The following PIWIL4 variants were observed in gnomAD, a reference collection of about 807,000 sequenced individuals.
PIWIL4 encodes piwi-like protein 4.
A neutral mutation model predicts 100.9 loss-of-function variants in PIWIL4; 50 were observed. That is an observed-to-expected ratio of 0.50 (90% CI 0.39 to 0.63). The LOEUF (loss-of-function observed/expected upper bound fraction) is 0.63. Among genes scored for constraint, PIWIL4 ranks in the 20% least tolerant of loss-of-function variants. The pLI, the probability that PIWIL4 is intolerant of heterozygous loss-of-function variation, is 0.00. For missense variants in PIWIL4, 887 were observed against 1,043.3 expected (o/e 0.85, Z 2.06); for synonymous variants, 342 against 367.5 (o/e 0.93, Z 0.79).
At chr11:94,597,987 A>C in intron 11 of PIWIL4, 72 bp downstream of exon 11, 1 of 1,180,942 alleles carries the variant, frequency 8.5e-7, no homozygotes, top group Non-Finnish European at 1.2e-6. Flanking sequence ...CATTGGCCAG[A>C]GTGGCTTGTG....
chr11:94,589,323 G>A (rs946542027), intron 8 of PIWIL4, 91 bp downstream of exon 8: 1 of 1,087,038 alleles, frequency 9.2e-7, no homozygotes, highest in Non-Finnish European at 1.4e-6. Context: ...CCAGATTGGA[G>A]GCTGAGTCTG....
intron 2 of PIWIL4, among the ~76,000 whole-genome samples, chr11:94,573,082 C>G (rs1429528445): frequency 6.6e-6 from 1 of 152,084 alleles, no homozygotes; most frequent in Non-Finnish European, 1.5e-5. Flanking sequence ...TGATTTGGCT[C>G]TCTGTTTGTC....
intron 17 of PIWIL4, 81 bp downstream of exon 17, chr11:94,618,188 A>G (rs1948866917): frequency 5.0e-6 from 7 of 1,398,266 alleles, no homozygotes; most frequent in African/African-American, 1.5e-5. Flanking sequence ...GTATTCAAGC[A>G]TAAGTTTTGT....
intron 17 of PIWIL4, 54 bp downstream of exon 17, chr11:94,618,161 T>C: frequency 1.9e-5 from 28 of 1,477,536 alleles, no homozygotes; most frequent in Non-Finnish European, 2.5e-5. Context: ...TATTCAGCTG[T>C]AGCTATTACA....
intron 13 of PIWIL4, among the ~76,000 whole-genome samples, chr11:94,605,384 C>A (rs569372961): frequency 1.3e-5 from 2 of 152,164 alleles, no homozygotes; most frequent in African/African-American, 4.8e-5. Context: ...TCTGATGTCT[C>A]CTCATGATTA....
chr11:94,621,232 C>T lies in PIWIL4; in HGVS notation c.*240C>T, dbSNP rs1226019109. ...TTGTCATATGTGGAATTTAAATATACCATCATCTACAAAGAATTCCACAGA... is the reference window on the plus strand; with the variant it reads ...TTGTCATATGTGGAATTTAAATATATCATCATCTACAAAGAATTCCACAGA... On this transcript the variant is annotated 3_prime_UTR_variant, in exon 20 of 20. Coordinates refer to ENST00000299001, the MANE Select transcript of PIWIL4 (RefSeq NM_152431.3). 4.5e-5 allele frequency: 19 copies of T among 426,544 alleles called. 1 individual carries two copies. Among genetic ancestry groups the T allele is most frequent in the South Asian group, 7.8e-5 (2 of 25,786 alleles). The allele number at this position is 426,544 out of a possible 1,614,324, so 26.4% of individuals were successfully genotyped here.
Position 94,571,288 on chromosome 11 carries a change from A to G in PIWIL4, c.166+2480A>G, listed in dbSNP as rs990693934. On this transcript the variant is annotated intron_variant, in intron 2 of 19. Transcript: ENST00000299001. ...TTTTATTTAAAAATTTTTTATTCTT[A>G]TTTATTTTTTATTATACTTTAAGTT... Among the ~76,000 whole-genome samples the G allele has an allele frequency of 2.0e-5, 3 of 151,710 alleles. No homozygotes were observed. In the South Asian group the frequency reaches 6.2e-4, roughly 31 times the overall value.
chr11:94,609,620 C>T (rs1948764816), intron 15 of PIWIL4, among the ~76,000 whole-genome samples: 1 of 151,930 alleles, frequency 6.6e-6, no homozygotes, highest in Admixed American at 6.6e-5. Flanking sequence ...TGATAAAGGA[C>T]TTTCATTTTT....
chr11:94,585,878 C>A (rs144142106), intron 6 of PIWIL4, among the ~76,000 whole-genome samples: 1 of 152,026 alleles, frequency 6.6e-6, no homozygotes, highest in Non-Finnish European at 1.5e-5. Context: ...CAGGGCAGCG[C>A]GGGTCAGAAA....
intron 6 of PIWIL4, among the ~76,000 whole-genome samples, chr11:94,585,877 G>A (rs570327774): frequency 2.6e-5 from 4 of 152,260 alleles, no homozygotes; most frequent in East Asian, 1.9e-4. Context: ...GCAGGGCAGC[G>A]CGGGTCAGAA....
rs1330333224 is a variant in PIWIL4, at chr11:94,618,884, G to A, written c.2168+777G>A. Among the ~76,000 whole-genome samples, 3 of 152,186 alleles carry A rather than the reference G, an allele frequency of 2.0e-5. No individual in the cohort carries two copies. In the East Asian group the frequency reaches 5.8e-4, roughly 29 times the overall value. Reference sequence around the variant, plus strand: ...CTCAGTCGGTTATTGTTAGAGTGGAGGGGAAGCCTGAAAGTTTGGTGGCAG... The same window carrying A: ...CTCAGTCGGTTATTGTTAGAGTGGAAGGGAAGCCTGAAAGTTTGGTGGCAG... On this transcript the variant is annotated intron_variant, in intron 17 of 19. Transcript: ENST00000299001.
intron 8 of PIWIL4, among the ~76,000 whole-genome samples, chr11:94,591,396 G>A (rs748272397): frequency 6.6e-6 from 1 of 152,224 alleles, no homozygotes; most frequent in Non-Finnish European, 1.5e-5. Flanking sequence ...ACGTAGAAGA[G>A]CAAGCTGTTC....
rs778520623 is a variant in PIWIL4, at chr11:94,619,837, AC to A, written c.2252del (p.Pro751HisfsTer20). On this transcript the variant is annotated frameshift_variant, in exon 18 of 20. Coordinates refer to ENST00000299001, the MANE Select transcript of PIWIL4 (RefSeq NM_152431.3). LOFTEE classifies it high-confidence loss of function. ...FFTEMNRTVQNPPLGTVVDSE... is the reference protein window; with the variant it reads ...FFTEMNRTVQXPPLGTVVDSE... The stretch of plus-strand genomic sequence containing the variant: ...ACCGAAATGAACCGCACTGTACAGA[AC>A]CCCCCACTTGGCACTGTTGTGGATT... 39 of 1,614,008 alleles carry A rather than the reference AC, an allele frequency of 2.4e-5. No homozygotes were observed. The highest frequency in any genetic ancestry group is 3.1e-5 in the Non-Finnish European group (36 of 1,180,028).
intron 9 of PIWIL4, 152 bp downstream of exon 9, chr11:94,593,793 G>A: frequency 1.2e-6 from 1 of 843,098 alleles, no homozygotes; most frequent in Non-Finnish European, 1.8e-6. Flanking sequence ...CAATAATAGA[G>A]ACATGTTGGG....
In PIWIL4 at chr11:94,567,382, G is replaced by A. The variant is rs1292655078; in HGVS notation, c.-137G>A. The A allele has an allele frequency of 1.7e-5, 13 of 745,444 alleles. No individual in the cohort carries two copies. The highest frequency in any genetic ancestry group is 1.5e-4 in the East Asian group (5 of 33,938). 46.2% of individuals were successfully genotyped at this position (745,444 alleles called of 1,614,324 possible). On this transcript the variant is annotated 5_prime_UTR_variant, in exon 1 of 20. Coordinates refer to ENST00000299001, the MANE Select transcript of PIWIL4 (RefSeq NM_152431.3). ...GGGCCTCGGACGCATTTCCAGCCCC[G>A]GCGTTGGTTGTGGATGCTGGACATC... is the stretch of plus-strand genomic sequence containing the variant.
chr11:94,589,881 T>C (rs1422986225), intron 8 of PIWIL4, among the ~76,000 whole-genome samples: 2 of 152,096 alleles, frequency 1.3e-5, no homozygotes, highest in Non-Finnish European at 2.9e-5. Context: ...CTCCTTGTTT[T>C]TGGATTCCCA....
chr11:94,601,767 A>G (rs1313215732), intron 11 of PIWIL4, 28 bp from the exon 12 acceptor site: 17 of 1,608,030 alleles, frequency 1.1e-5, no homozygotes, highest in African/African-American at 1.3e-5. Flanking sequence ...AATTTGTTCA[A>G]TCCTTTCATG....
In PIWIL4 at chr11:94,595,417, A is replaced by G; in HGVS notation, c.1259A>G (p.Asn420Ser). 2 of 1,613,050 alleles carry G rather than the reference A, an allele frequency of 1.2e-6. No individual in the cohort carries two copies. Among genetic ancestry groups the G allele is most frequent in the South Asian group, 1.1e-5 (1 of 91,042 alleles). Residue 420 changes from asparagine to serine, a missense_variant, in exon 10 of 20, where the codon AAC becomes AGC. By Grantham distance (46) the Asn-to-Ser change is conservative (BLOSUM62 1). Coordinates refer to ENST00000299001, the MANE Select transcript of PIWIL4 (RefSeq NM_152431.3). The part of the protein sequence containing the change: ...RQQRLARLVD[N>S]IQRNTNARFE... ...CAGCGCCTGGCCAGGCTTGTGGACA[A>G]CATCCAGAGGTACTGGATCACCGCA... is the stretch of plus-strand genomic sequence containing the variant.
In PIWIL4 at chr11:94,593,511, T is replaced by G; in HGVS notation, c.1027-7T>G. 6.2e-7 allele frequency: 1 copy of G among 1,612,062 alleles called. No homozygotes were observed. The highest frequency in any genetic ancestry group is 8.5e-7 in the Non-Finnish European group (1 of 1,179,064). On this transcript the variant is annotated splice_polypyrimidine_tract_variant and splice_region_variant and intron_variant, in intron 8 of 19. Transcript: ENST00000299001. ...AACTTTTTACTTATTAATCTTGCAT[T>G]TTATAGCAGTATGATATTACTGTAT...
Sources: allele counts gnomAD v4.1 joint callset (sites outside exome capture counted in the v4.1 genomes callset), GRCh38; gene constraint gnomAD v4.1.1; transcripts MANE v1.5; gene names NCBI Gene and HGNC (gene_info 2026-07-23, HGNC 2026-07-21).